The following MKRN2OS variants were observed in gnomAD, a reference collection of about 807,000 sequenced individuals.
MKRN2OS encodes the protein MKRN2 opposite strand protein.
MKRN2OS carries 17 observed loss-of-function variants against 18.2 expected under a neutral mutation model. The ratio of observed to expected loss-of-function variants is 0.93; its 90% confidence interval spans 0.64 to 1.40. MKRN2OS has a LOEUF of 1.40. MKRN2OS is among the 40% of genes most tolerant of loss of function. The probability of loss-of-function intolerance (pLI) is 0.00; values close to 1 mark genes in which losing one functional copy is unlikely to be tolerated. For synonymous variants in MKRN2OS, 121 were observed against 108.5 expected (o/e 1.12, Z -0.72); for missense variants, 337 against 283.0 (o/e 1.19, Z -1.37).
Position 12,543,243 on chromosome 3 carries a change from GGTTT to G in MKRN2OS, c.219-18_219-15del, listed in dbSNP as rs754394422. On this transcript the variant is annotated splice_polypyrimidine_tract_variant and intron_variant, in intron 1 of 3. Coordinates refer to ENST00000564146, the MANE Select transcript of MKRN2OS (RefSeq NM_001195279.2). ...CCATCATACTCTCTGAAAGAAACAA[GGTTT>G]GTTTTTTTTTGGTTTGCATGTATTT... 2 of 1,526,370 alleles carry G rather than the reference GGTTT, an allele frequency of 1.3e-6. No individual in the cohort carries two copies. Among genetic ancestry groups the G allele is most frequent in the Non-Finnish European group, 1.7e-6 (2 of 1,143,956 alleles). The allele number at this position is 1,526,370 out of a possible 1,614,324, so 94.6% of individuals were successfully genotyped here. A position where few individuals can be genotyped will look rare whatever the true frequency, so the allele number is the denominator to read the frequency against.
chr3:12,560,803 C>A, exon 1 of MKRN2OS: 1 of 152,442 alleles, frequency 6.6e-6, no homozygotes. Context: ...AGTCGTCTCT[C>A]CCCTCCTCCA....
At chr3:12,549,771 T>A (rs962557923), upstream of MKRN2OS, among the ~76,000 whole-genome samples, 1 of 152,202 alleles carries the variant, frequency 6.6e-6, no homozygotes, top group Non-Finnish European at 1.5e-5. Context: ...CAGGCTTGTC[T>A]TGAACTCCTG....
At chr3:12,560,478 T>TAAAAAAAAA (rs10651248) in intron 1 of MKRN2OS, among the ~76,000 whole-genome samples, 1 of 124,970 alleles carries the variant, frequency 8.0e-6, no homozygotes, top group Non-Finnish European at 1.7e-5. Flanking sequence ...TAGGAAAATG[T>TAAAAAAAAA]AAAAAAAAAA....
In MKRN2OS at chr3:12,540,160, C is replaced by G; in HGVS notation, c.*33G>C. 2.6e-6 allele frequency: 4 copies of G among 1,535,820 alleles called. No homozygotes were observed. Among genetic ancestry groups the G allele is most frequent in the Non-Finnish European group, 3.5e-6 (4 of 1,146,702 alleles). Reference sequence around the variant, plus strand: ...CTGATTAAAGGTAGCAACCACCCTACCCTCCAGCGTCCAGGCTGCGCTTAC... The same window carrying G: ...CTGATTAAAGGTAGCAACCACCCTAGCCTCCAGCGTCCAGGCTGCGCTTAC... On this transcript the variant is annotated 3_prime_UTR_variant, in exon 4 of 4. Transcript: ENST00000564146.
upstream of MKRN2OS, among the ~76,000 whole-genome samples, chr3:12,546,575 A>ATTTTTTTTTTTTTT (rs1160434615): frequency 1.0e-4 from 10 of 97,102 alleles, no homozygotes; most frequent in African/African-American, 1.4e-4. Context: ...GGTACATGGG[A>ATTTTTTTTTTTTTT]TTTTTTTTTT....
At chr3:12,543,814 C>T (rs2057849040) in intron 1 of MKRN2OS, among the ~76,000 whole-genome samples, 2 of 151,428 alleles carry the variant, frequency 1.3e-5, no homozygotes, top group Admixed American at 6.6e-5. Flanking sequence ...ATCGCTTGAA[C>T]CTGGGAGGCG....
chr3:12,560,363 A>T (rs1046267610), intron 1 of MKRN2OS, among the ~76,000 whole-genome samples: 1 of 151,560 alleles, frequency 6.6e-6, no homozygotes, highest in South Asian at 2.1e-4. Flanking sequence ...TAATCAGTAC[A>T]TTTATTGCAA....
At chr3:12,544,206 T>C (rs1160353888) in intron 1 of MKRN2OS, among the ~76,000 whole-genome samples, 1 of 152,040 alleles carries the variant, frequency 6.6e-6, no homozygotes, top group East Asian at 1.9e-4. Flanking sequence ...AAACCAGCAC[T>C]CTTGAGGGGA....
chr3:12,555,626 T>C (rs2057962717), intron 1 of MKRN2OS, among the ~76,000 whole-genome samples: 2 of 152,224 alleles, frequency 1.3e-5, no homozygotes, highest in Non-Finnish European at 2.9e-5. Flanking sequence ...TTATTATTTA[T>C]ATGAAAGTCA....
At chr3:12,560,938 A>G (rs561391475) in exon 1 of MKRN2OS, 2 of 152,368 alleles carry the variant, frequency 1.3e-5, no homozygotes, top group East Asian at 3.9e-4. Context: ...TCAGTATAAC[A>G]TAGATGGAGA....
In MKRN2OS at chr3:12,542,111, G is replaced by A; in HGVS notation, c.269-89C>T. ...CATCAGAAAATGACAGTAGCCATGTGGTAACTTTACGTAACATAAATCCAG... is the reference window on the plus strand; with the variant it reads ...CATCAGAAAATGACAGTAGCCATGTAGTAACTTTACGTAACATAAATCCAG... On this transcript the variant is annotated intron_variant, in intron 2 of 3. Transcript: ENST00000564146. The A allele has an allele frequency of 2.3e-6, 3 of 1,325,420 alleles. No individual in the cohort carries two copies. The South Asian group carries it at 4.4e-5, about 20-fold the overall frequency. The allele number at this position is 1,325,420 out of a possible 1,614,324, so 82.1% of individuals were successfully genotyped here.
At chr3:12,553,342 A>G (rs541136449), downstream of MKRN2OS, among the ~76,000 whole-genome samples, 6 of 152,238 alleles carry the variant, frequency 3.9e-5, no homozygotes, top group South Asian at 2.1e-4. Flanking sequence ...ATCCTGAGCA[A>G]TTGGGTAGGG....
chr3:12,552,345 A>G (rs1254718148), downstream of MKRN2OS, among the ~76,000 whole-genome samples: 3 of 151,972 alleles, frequency 2.0e-5, no homozygotes, highest in East Asian at 5.8e-4. Context: ...AACTCCCATA[A>G]AACAATGAAA....
At chr3:12,558,349 G>T (rs2058001967) in intron 1 of MKRN2OS, among the ~76,000 whole-genome samples, 1 of 152,162 alleles carries the variant, frequency 6.6e-6, no homozygotes, top group Non-Finnish European at 1.5e-5. Context: ...AGACGGGTTT[G>T]TGTGTGTTTA....
At chr3:12,546,978 C>T (rs1423955146), upstream of MKRN2OS, among the ~76,000 whole-genome samples, 1 of 152,132 alleles carries the variant, frequency 6.6e-6, no homozygotes, top group Non-Finnish European at 1.5e-5. Flanking sequence ...TGTGCTGGTG[C>T]ACGCCTGTAG....
chr3:12,540,455 GT>G, intron 3 of MKRN2OS, 22 bp from the exon 4 acceptor site: 1 of 1,535,848 alleles, frequency 6.5e-7, no homozygotes, highest in Non-Finnish European at 8.7e-7. Flanking sequence ...GAATAAGGGT[GT>G]TGAGAAGAAA....
rs2057870204 is a variant in MKRN2OS at position 12,545,285 on chromosome 3, A to G, written c.180T>C (p.Cys60=). ...CCTGAGTTGGTCTGAGGAGGAATGA[A>G]CATTTTTCTTGATGTCCATTAGTAA... ...NPFTNGHQEK[C]SFLLRPTQGT... is the part of the protein sequence containing the mutation. The change falls in exon 1 of 4, where the codon TGT becomes TGC. Residue 60 remains cysteine, a synonymous_variant. Transcript: ENST00000564146. 6.5e-7 allele frequency: 1 copy of G among 1,536,064 alleles called. No individual in the cohort carries two copies. Among genetic ancestry groups the G allele is most frequent in the African/African-American group, 1.4e-5 (1 of 73,168 alleles).
At chr3:12,540,600 G>A (rs989814127) in intron 3 of MKRN2OS, among the ~76,000 whole-genome samples, 167 bp from the exon 4 acceptor site, 1 of 151,994 alleles carries the variant, frequency 6.6e-6, no homozygotes, top group Admixed American at 6.6e-5. Flanking sequence ...CAGGCCGGGT[G>A]CGGTGGCTCA....
intron 1 of MKRN2OS, among the ~76,000 whole-genome samples, chr3:12,560,478 T>TAAAAAAAAAA (rs10651248): frequency 2.4e-5 from 3 of 124,968 alleles, no homozygotes; most frequent in Non-Finnish European, 3.4e-5. Flanking sequence ...TAGGAAAATG[T>TAAAAAAAAAA]AAAAAAAAAA....
Sources: gnomAD v4.1 joint callset for allele counts (sites outside exome capture counted in the v4.1 genomes callset) on GRCh38, gnomAD v4.1.1 for gene constraint, MANE v1.5 for transcripts, NCBI Gene and HGNC (gene_info 2026-07-23, HGNC 2026-07-21) for gene names.